Variants in SLIT3 observed in about 807,000 individuals in gnomAD.
SLIT3 encodes slit guidance ligand 3, also known as slit homolog 3 protein.
In SLIT3, 68 loss-of-function variants were observed where a neutral mutation model predicts 184.0. That is an observed-to-expected ratio of 0.37 (90% CI 0.30 to 0.45). The LOEUF (loss-of-function observed/expected upper bound fraction) is 0.45. SLIT3 is among the 20% of genes least tolerant of loss of function. The pLI, the probability that SLIT3 is intolerant of heterozygous loss-of-function variation, is 1.00. For synonymous variants in SLIT3, 831 were observed against 828.6 expected (o/e 1.00, Z -0.05); for missense variants, 1,707 against 2,026.0 (o/e 0.84, Z 3.02).
intron 1 of SLIT3, among the ~76,000 whole-genome samples, chr5:169,255,411 GTGT>G (rs1554112120): frequency 6.6e-6 from 1 of 152,118 alleles, no homozygotes; most frequent in Non-Finnish European, 1.5e-5. Flanking sequence ...TCCTGACCCT[GTGT>G]AGACCTAGGC....
chr5:168,937,880 ATTTT>A (rs75979002), intron 4 of SLIT3, among the ~76,000 whole-genome samples: 12,929 of 147,008 alleles, frequency 0.088, 1,254 homozygotes, highest in African/African-American at 0.24. Context: ...ATCATTATGC[ATTTT>A]TTTTTTTTCC....
At chr5:168,920,045 G>A (rs1420056600) in intron 4 of SLIT3, among the ~76,000 whole-genome samples, 3 of 152,222 alleles carry the variant, frequency 2.0e-5, no homozygotes, top group African/African-American at 4.8e-5. Context: ...CTACGTGGAA[G>A]TGAGTGTTTA....
intron 4 of SLIT3, among the ~76,000 whole-genome samples, chr5:169,190,651 T>C (rs1406490818): frequency 2.6e-5 from 4 of 152,162 alleles, no homozygotes; most frequent in African/African-American, 9.7e-5. Flanking sequence ...CCTATAAGAC[T>C]AATAAAAAAA....
At chr5:168,812,208 T>C (rs1757180528) in intron 8 of SLIT3, among the ~76,000 whole-genome samples, 1 of 152,110 alleles carries the variant, frequency 6.6e-6, no homozygotes, top group Non-Finnish European at 1.5e-5. Context: ...GGGAGGGTAT[T>C]CGGGAGGAGG....
At chr5:168,666,823 AC>A in intron 35 of SLIT3, 134 bp from the exon 36 acceptor site, 1 of 1,410,320 alleles carries the variant, frequency 7.1e-7, no homozygotes. Flanking sequence ...CCATCTGCCT[AC>A]CCTCCCCTCC....
In SLIT3 at chr5:169,219,288, C is replaced by A. The variant is rs558137343; in HGVS notation, c.341+25417G>T. 3.3e-5 allele frequency among the ~76,000 whole-genome samples: 5 copies of A among 152,366 alleles called. No homozygotes were observed. In the South Asian group the frequency reaches 1.0e-3, roughly 32 times the overall value. On this transcript the variant is annotated intron_variant, in intron 3 of 35. Coordinates refer to ENST00000519560, the MANE Select transcript of SLIT3 (RefSeq NM_003062.4). ...CAGTGTAACAGCAGCAACTCCTAACCTTCCTCGAATGCATTCTGCCAGTGC... is the reference window on the plus strand; with the variant it reads ...CAGTGTAACAGCAGCAACTCCTAACATTCCTCGAATGCATTCTGCCAGTGC...
intron 20 of SLIT3, among the ~76,000 whole-genome samples, chr5:168,727,230 G>C (rs1295082012): frequency 6.6e-6 from 1 of 152,112 alleles, no homozygotes; most frequent in African/African-American, 2.4e-5. Context: ...TGAGGCAGGA[G>C]AATCATTTGA....
chr5:168,940,931 C>T (rs1240408386), intron 4 of SLIT3, among the ~76,000 whole-genome samples: 1 of 152,070 alleles, frequency 6.6e-6, no homozygotes, highest in East Asian at 1.9e-4. Context: ...ACTCAGGATC[C>T]CCCAGGACTG....
Position 168,737,585 on chromosome 5 carries a change from C to G in SLIT3, c.2270+10717G>C, listed in dbSNP as rs774762996. Among the ~76,000 whole-genome samples the G allele has an allele frequency of 6.0e-4, 91 of 152,206 alleles. 1 individual carries two copies. Among genetic ancestry groups the G allele is most frequent in the Admixed American group, 5.9e-3 (90 of 15,282 alleles). On this transcript the variant is annotated intron_variant, in intron 20 of 35. Coordinates refer to ENST00000519560, the MANE Select transcript of SLIT3 (RefSeq NM_003062.4). ...GCCTGGAGCTATGTCATCCTTCCCC[C>G]CTCTTTTCCTTGGGATATCAAGTTA...
At chr5:168,823,361 C>A in intron 6 of SLIT3, 30 bp from the exon 7 acceptor site, 1 of 1,557,210 alleles carries the variant, frequency 6.4e-7, no homozygotes, top group Non-Finnish European at 8.9e-7. Flanking sequence ...AGATGGTCAG[C>A]CAGGCAGCAG....
intron 4 of SLIT3, among the ~76,000 whole-genome samples, chr5:169,167,554 G>A (rs931232436): frequency 2.6e-5 from 4 of 152,004 alleles, no homozygotes; most frequent in Admixed American, 2.6e-4. Flanking sequence ...GGGATTACAG[G>A]CTTGAGCCAC....
At chr5:169,044,853 C>T (rs1275552613) in intron 4 of SLIT3, among the ~76,000 whole-genome samples, 1 of 152,078 alleles carries the variant, frequency 6.6e-6, no homozygotes, top group African/African-American at 2.4e-5. Context: ...GCCTGTAGAC[C>T]CCAGCTCTGT....
intron 5 of SLIT3, among the ~76,000 whole-genome samples, chr5:168,864,792 A>G (rs1166369747): frequency 1.3e-5 from 2 of 152,228 alleles, no homozygotes; most frequent in East Asian, 1.9e-4. Context: ...TTAGTTTTCT[A>G]AGACAATGGG....
chr5:169,136,622 A>G (rs933151747), intron 4 of SLIT3, among the ~76,000 whole-genome samples: 7 of 152,168 alleles, frequency 4.6e-5, no homozygotes, highest in Admixed American at 4.6e-4. Flanking sequence ...TGGATGTTAA[A>G]CTTGGTGACC....
chr5:169,124,833 T>G (rs1000929542), intron 4 of SLIT3, among the ~76,000 whole-genome samples: 3 of 152,116 alleles, frequency 2.0e-5, no homozygotes, highest in African/African-American at 7.2e-5. Context: ...TTCTACTTCA[T>G]GGCCTTTGTT....
intron 5 of SLIT3, chr5:168,844,951 C>A: frequency 2.6e-6 from 1 of 378,256 alleles, no homozygotes; most frequent in Non-Finnish European, 4.8e-6. Context: ...TACATTAGGG[C>A]ATCCAATCCA....
chr5:168,795,113 T>C (rs10069734), intron 10 of SLIT3, among the ~76,000 whole-genome samples: 62,260 of 152,048 alleles, frequency 0.41, 14,606 homozygotes, highest in African/African-American at 0.65. Flanking sequence ...GTTGGAGGGA[T>C]GTTGGTGACA....
intron 27 of SLIT3, among the ~76,000 whole-genome samples, chr5:168,698,960 A>G (rs2113277107): frequency 6.6e-6 from 1 of 152,346 alleles, no homozygotes; most frequent in Non-Finnish European, 1.5e-5. Flanking sequence ...TGGGAGAAAC[A>G]CAGTTGCCTG....
At chr5:168,874,399 A>T (rs1052089870) in intron 5 of SLIT3, among the ~76,000 whole-genome samples, 5 of 152,164 alleles carry the variant, frequency 3.3e-5, no homozygotes, top group African/African-American at 1.2e-4. Context: ...TCTGCAAGTC[A>T]TTTATTCCTT....
Sources: allele counts gnomAD v4.1 joint callset (sites outside exome capture counted in the v4.1 genomes callset), GRCh38; gene constraint gnomAD v4.1.1; transcripts MANE v1.5; gene names NCBI Gene and HGNC (gene_info 2026-07-23, HGNC 2026-07-21).